The following SOWAHC variants were observed in gnomAD, a reference collection of about 807,000 sequenced individuals.
The protein encoded by SOWAHC is ankyrin repeat domain-containing protein SOWAHC.
SOWAHC carries 12 observed loss-of-function variants against 14.4 expected under a neutral mutation model. The observed-to-expected ratio is 0.83, with a 90% CI of 0.53 to 1.35. The LOEUF (loss-of-function observed/expected upper bound fraction) is 1.35. Among genes scored for constraint, SOWAHC ranks in the 40% most tolerant of loss-of-function variants. The pLI is 0.00. For synonymous variants in SOWAHC, 398 were observed against 347.0 expected, an observed-to-expected ratio of 1.15 and a Z score of -1.63; for missense variants, 771 against 752.8, an observed-to-expected ratio of 1.02 and a Z score of -0.28.
Position 109,614,914 on chromosome 2 carries a change from C to A in SOWAHC, c.425C>A (p.Pro142His), listed in dbSNP as rs1270565374. ...RELGEGEPPA[P>H]AHWPPLSAGA... ...CTGGGCGAGGGAGAGCCCCCCGCCC[C>A]CGCGCACTGGCCGCCCCTGAGCGCC... Residue 142 changes from proline (P) to histidine (H), a missense_variant, in exon 1 of 1, where the codon CCC becomes CAC. Physicochemically the swap from Pro to His is moderately conservative, Grantham distance 77 (BLOSUM62 -2). Transcript: ENST00000356454. The A allele has an allele frequency of 6.8e-7, 1 of 1,468,558 alleles. No homozygotes were observed. Among genetic ancestry groups the A allele is most frequent in the East Asian group, 2.6e-5 (1 of 37,992 alleles). 91.0% of individuals were successfully genotyped at this position (1,468,558 alleles called of 1,614,324 possible).
Position 109,617,589 on chromosome 2 carries a change from A to G in SOWAHC, c.*1522A>G, listed in dbSNP as rs532298563. 4 of 167,150 alleles carry G rather than the reference A, an allele frequency of 2.4e-5. No individual in the cohort carries two copies. The Admixed American group carries it at 2.6e-4, about 11-fold the overall frequency. 10.4% of individuals were successfully genotyped at this position (167,150 alleles called of 1,614,324 possible). On this transcript the variant is annotated 3_prime_UTR_variant, in exon 1 of 1. Coordinates refer to ENST00000356454, the MANE Select transcript of SOWAHC (RefSeq NM_023016.4). ...GCTGAAACCTAAGTACCTGCAGCCT[A>G]CAGGATAAGGAAGTTCACAGCCTGC...
rs1401027438 is a variant in SOWAHC at position 109,614,552 on chromosome 2, C to T, written c.63C>T (p.Phe21=). The T allele has an allele frequency of 2.6e-5, 34 of 1,324,868 alleles. No individual in the cohort carries two copies. The highest frequency in any genetic ancestry group is 3.3e-5 in the Non-Finnish European group (34 of 1,044,448). The allele number at this position is 1,324,868 out of a possible 1,614,324, so 82.1% of individuals were successfully genotyped here. The change falls in exon 1 of 1, where the codon TTC becomes TTT. Residue 21 remains phenylalanine (F), a synonymous_variant. Coordinates refer to ENST00000356454, the MANE Select transcript of SOWAHC (RefSeq NM_023016.4). ...TGGGCCCCGAGGCGGTGCTGCGCTTCCTGGCGGAGCGCGGGGGCCGGGCCC... is the reference window on the plus strand; with the variant it reads ...TGGGCCCCGAGGCGGTGCTGCGCTTTCTGGCGGAGCGCGGGGGCCGGGCCC... ...AALGPEAVLR[F]LAERGGRALH...
rs1422698449 is a variant in SOWAHC at position 109,615,749 on chromosome 2, C to G, written c.1260C>G (p.Pro420=). The change falls in exon 1 of 1, where the codon CCC becomes CCG. Residue 420 remains proline (P), a synonymous_variant. Transcript: ENST00000356454. Reference sequence around the variant, plus strand: ...GCTGGAGGCTTTCAAAGGTGCTTCCCTCGCATCTCATCACCTACAAACTCT... The same window carrying G: ...GCTGGAGGCTTTCAAAGGTGCTTCCGTCGCATCTCATCACCTACAAACTCT... ...GGRWRLSKVL[P]SHLITYKLSH... is the part of the protein sequence containing the mutation. 1.9e-6 allele frequency: 3 copies of G among 1,613,988 alleles called. No homozygotes were observed. Among genetic ancestry groups the G allele is most frequent in the Non-Finnish European group, 2.5e-6 (3 of 1,180,044 alleles).
At position 109,614,712 on chromosome 2, in the gene SOWAHC, A is replaced by G; in HGVS notation, c.223A>G (p.Lys75Glu). ...GCGCGTCGATCCCGCCGACGGCGCC[A>G]AGTACGTGCACCTCAAGAAGAGGTT... is the stretch of plus-strand genomic sequence containing the variant. ...TVRVDPADGA[K>E]YVHLKKRFCE... The change falls in exon 1 of 1, where the codon AAG (lysine) becomes GAG (glutamate). Residue 75 changes from lysine (K) to glutamate (E), a missense_variant. Physicochemically the swap from Lys to Glu is moderately conservative, Grantham distance 56 (BLOSUM62 1). Transcript: ENST00000356454. 1 of 1,488,596 alleles carries G rather than the reference A, an allele frequency of 6.7e-7. No homozygotes were observed. The highest frequency in any genetic ancestry group is 1.3e-5 in the South Asian group (1 of 79,682). 92.2% of individuals were successfully genotyped at this position (1,488,596 alleles called of 1,614,324 possible). A position where few individuals can be genotyped will look rare whatever the true frequency, so the allele number is the denominator to read the frequency against.
rs1365852373 is a variant in SOWAHC, at chr2:109,615,283, A to AC, written c.799dup (p.Leu267ProfsTer135). On this transcript the variant is annotated frameshift_variant, in exon 1 of 1. Transcript: ENST00000356454. LOFTEE classifies it low-confidence loss of function (END_TRUNC). ...AGCGGCGGAGGCTCCGTGACGCTGGACCCCCTGGAGCACGCGTGGATGCTC... is the reference window on the plus strand; with the variant it reads ...AGCGGCGGAGGCTCCGTGACGCTGGACCCCCCTGGAGCACGCGTGGATGCTC... 2 of 1,590,608 alleles carry AC rather than the reference A, an allele frequency of 1.3e-6. No individual in the cohort carries two copies. Among genetic ancestry groups the AC allele is most frequent in the East Asian group, 2.3e-5 (1 of 43,494 alleles).
Position 109,616,353 on chromosome 2 carries a change from GAATGAATT to G in SOWAHC, c.*294_*301del, listed in dbSNP as rs1223197056. ...TGTATCTAAATTGGGGGAACAGAAT[GAATGAATT>G]AATGAATGAGAGTTCCTTTGCTTTA... is the stretch of plus-strand genomic sequence containing the variant. On this transcript the variant is annotated 3_prime_UTR_variant, in exon 1 of 1. Coordinates refer to ENST00000356454, the MANE Select transcript of SOWAHC (RefSeq NM_023016.4). The G allele has an allele frequency of 7.7e-6, 2 of 260,356 alleles. No individual in the cohort carries two copies. Among genetic ancestry groups the G allele is most frequent in the Non-Finnish European group, 1.5e-5 (2 of 131,708 alleles). The allele number at this position is 260,356 out of a possible 1,614,324, so 16.1% of individuals were successfully genotyped here. A position where few individuals can be genotyped will look rare whatever the true frequency, so the allele number is the denominator to read the frequency against.
chr2:109,614,878 A>G lies in SOWAHC; in HGVS notation c.389A>G (p.Gln130Arg). ...GCGGCCCCGGAGTCGCTCCCTGGAC[A>G]GGGCCGCGAGCTGGGCGAGGGAGAG... Reference protein sequence around the residue: ...DAAAPESLPGQGRELGEGEPP... With the variant: ...DAAAPESLPGRGRELGEGEPP... The change falls in exon 1 of 1, where the codon CAG (glutamine) becomes CGG (arginine). Residue 130 changes from glutamine (Q) to arginine (R), a missense_variant. By Grantham distance (43) the Gln-to-Arg change is conservative. Transcript: ENST00000356454. The G allele has an allele frequency of 7.0e-7, 1 of 1,423,132 alleles. No homozygotes were observed. Among genetic ancestry groups the G allele is most frequent in the Non-Finnish European group, 9.1e-7 (1 of 1,100,380 alleles). The allele number at this position is 1,423,132 out of a possible 1,614,324, so 88.2% of individuals were successfully genotyped here.
At position 109,616,130 on chromosome 2, in the gene SOWAHC, G is replaced by A. The variant is rs1205212639; in HGVS notation, c.*63G>A. ...CTTAATAAATTGAATACTAGGTGTT[G>A]TAAGGAAGTGAGACCAGAAGGACAA... On this transcript the variant is annotated 3_prime_UTR_variant, in exon 1 of 1. Transcript: ENST00000356454. 7.0e-7 allele frequency: 1 copy of A among 1,424,500 alleles called. No individual in the cohort carries two copies. The highest frequency in any genetic ancestry group is 1.4e-5 in the African/African-American group (1 of 69,322). The allele number at this position is 1,424,500 out of a possible 1,614,324, so 88.2% of individuals were successfully genotyped here.
chr2:109,614,469 G>T lies in SOWAHC; in HGVS notation c.-21G>T. 2 of 1,218,408 alleles carry T rather than the reference G, an allele frequency of 1.6e-6. No individual in the cohort carries two copies. Among genetic ancestry groups the T allele is most frequent in the South Asian group, 3.9e-5 (1 of 25,868 alleles). 75.5% of individuals were successfully genotyped at this position (1,218,408 alleles called of 1,614,324 possible). On this transcript the variant is annotated 5_prime_UTR_variant, in exon 1 of 1. Coordinates refer to ENST00000356454, the MANE Select transcript of SOWAHC (RefSeq NM_023016.4). ...GGACCGCGCTGAGCCGCCCGCTGGC[G>T]GGGGAGCAGCGCGGTCGAGGATGGA...
In SOWAHC at chr2:109,615,520, C is replaced by T; in HGVS notation, c.1031C>T (p.Ala344Val). 1.9e-6 allele frequency: 3 copies of T among 1,613,918 alleles called. No homozygotes were observed. Among genetic ancestry groups the T allele is most frequent in the African/African-American group, 2.7e-5 (2 of 75,060 alleles). The change falls in exon 1 of 1, where the codon GCC becomes GTC. Residue 344 changes from alanine to valine, a missense_variant. Physicochemically the swap from Ala to Val is moderately conservative, Grantham distance 64. Coordinates refer to ENST00000356454, the MANE Select transcript of SOWAHC (RefSeq NM_023016.4). ...GCCAGGACGAGCGGGGGTTACACCG[C>T]CCTGCACTTGGCAGCCATGCACGGC... ...IDARTSGGYT[A>V]LHLAAMHGHV...
At position 109,615,446 on chromosome 2, in the gene SOWAHC, C is replaced by A. The variant is rs200256817; in HGVS notation, c.957C>A (p.Ala319=). The A allele has an allele frequency of 1.2e-4, 190 of 1,613,154 alleles. No homozygotes were observed. In the African/African-American group the frequency reaches 2.1e-3, roughly 18 times the overall value. ...AAKHGRQELL[A]MLVNFANKHQ... is the part of the protein sequence containing the mutation. ...AGCACGGCAGGCAGGAGCTTCTGGC[C>A]ATGCTAGTCAACTTCGCCAACAAAC... is the stretch of plus-strand genomic sequence containing the variant. The change falls in exon 1 of 1, where the codon GCC becomes GCA. Residue 319 remains alanine, a synonymous_variant. Coordinates refer to ENST00000356454, the MANE Select transcript of SOWAHC (RefSeq NM_023016.4).
rs1407041830 is a variant in SOWAHC at position 109,616,865 on chromosome 2, ATGT to A, written c.*801_*803del. The A allele has an allele frequency of 6.0e-6, 1 of 167,074 alleles. No homozygotes were observed. Among genetic ancestry groups the A allele is most frequent in the Non-Finnish European group, 1.5e-5 (1 of 68,112 alleles). The allele number at this position is 167,074 out of a possible 1,614,324, so 10.3% of individuals were successfully genotyped here. On this transcript the variant is annotated 3_prime_UTR_variant, in exon 1 of 1. Transcript: ENST00000356454. ...GCAGCCTATGATAGTTTTCAATAAA[ATGT>A]TGCCTCTCTTTCGGATTCTCACTAA...
At position 109,617,339 on chromosome 2, in the gene SOWAHC, ATTCC is replaced by A. The variant is rs1700163086; in HGVS notation, c.*1275_*1278del. 1 of 167,084 alleles carries A rather than the reference ATTCC, an allele frequency of 6.0e-6. No individual in the cohort carries two copies. Among genetic ancestry groups the A allele is most frequent in the Non-Finnish European group, 1.5e-5 (1 of 68,110 alleles). 10.4% of individuals were successfully genotyped at this position (167,084 alleles called of 1,614,324 possible). ...TTTCTATATTTAAATGCTGCTGGCT[ATTCC>A]TTTGTATATAAATGAAAAATACCAT... On this transcript the variant is annotated 3_prime_UTR_variant, in exon 1 of 1. Coordinates refer to ENST00000356454, the MANE Select transcript of SOWAHC (RefSeq NM_023016.4).
At position 109,617,276 on chromosome 2, in the gene SOWAHC, G is replaced by A. The variant is rs1700162333; in HGVS notation, c.*1209G>A. On this transcript the variant is annotated 3_prime_UTR_variant, in exon 1 of 1. Coordinates refer to ENST00000356454, the MANE Select transcript of SOWAHC (RefSeq NM_023016.4). Reference sequence around the variant, plus strand: ...GGTAGTAAATCTACCCAATTAAAATGGCACTTTATAAAAGGGAATAGAGAA... The same window carrying A: ...GGTAGTAAATCTACCCAATTAAAATAGCACTTTATAAAAGGGAATAGAGAA... 1 of 166,918 alleles carries A rather than the reference G, an allele frequency of 6.0e-6. No homozygotes were observed. Among genetic ancestry groups the A allele is most frequent in the Admixed American group, 6.5e-5 (1 of 15,274 alleles). 10.3% of individuals were successfully genotyped at this position (166,918 alleles called of 1,614,324 possible).
rs1457399247 is a variant in SOWAHC, at chr2:109,617,876, G to T, written c.*1809G>T. 1 of 159,754 alleles carries T rather than the reference G, an allele frequency of 6.3e-6. No homozygotes were observed. The highest frequency in any genetic ancestry group is 1.5e-5 in the Non-Finnish European group (1 of 68,044). The allele number at this position is 159,754 out of a possible 1,614,324, so 9.9% of individuals were successfully genotyped here. On this transcript the variant is annotated 3_prime_UTR_variant, in exon 1 of 1. Coordinates refer to ENST00000356454, the MANE Select transcript of SOWAHC (RefSeq NM_023016.4). ...TCTACTAAAAATACAAAAATTAGCC[G>T]AGCGTGGTGGTGCGTGCCTGTAGTC...
chr2:109,617,252 G>A lies in SOWAHC; in HGVS notation c.*1185G>A, dbSNP rs1211945454. On this transcript the variant is annotated 3_prime_UTR_variant, in exon 1 of 1. Transcript: ENST00000356454. ...TATCCTGTAGTTACTGAAAATCTGGGTAGTAAATCTACCCAATTAAAATGG... is the reference window on the plus strand; with the variant it reads ...TATCCTGTAGTTACTGAAAATCTGGATAGTAAATCTACCCAATTAAAATGG... 6.0e-6 allele frequency: 1 copy of A among 166,852 alleles called. No individual in the cohort carries two copies. The highest frequency in any genetic ancestry group is 1.5e-5 in the Non-Finnish European group (1 of 68,094). 10.3% of individuals were successfully genotyped at this position (166,852 alleles called of 1,614,324 possible).
At position 109,614,481 on chromosome 2, in the gene SOWAHC, C is replaced by A; in HGVS notation, c.-9C>A. The A allele has an allele frequency of 8.2e-7, 1 of 1,225,352 alleles. No homozygotes were observed. Among genetic ancestry groups the A allele is most frequent in the Non-Finnish European group, 1.0e-6 (1 of 984,968 alleles). 75.9% of individuals were successfully genotyped at this position (1,225,352 alleles called of 1,614,324 possible). On this transcript the variant is annotated 5_prime_UTR_variant, in exon 1 of 1. Transcript: ENST00000356454. ...GCCGCCCGCTGGCGGGGGAGCAGCG[C>A]GGTCGAGGATGGAGGGGCCGGCAGA...
rs1362215234 is a variant in SOWAHC at position 109,616,548 on chromosome 2, G to A, written c.*481G>A. The stretch of plus-strand genomic sequence containing the variant: ...ACAGGCTGCCCCGTTTTTACTAATT[G>A]CATTTGCATTTTAAGGTACTACTGA... On this transcript the variant is annotated 3_prime_UTR_variant, in exon 1 of 1. Transcript: ENST00000356454. The A allele has an allele frequency of 1.2e-5, 2 of 167,098 alleles. No individual in the cohort carries two copies. The highest frequency in any genetic ancestry group is 4.8e-5 in the African/African-American group (2 of 41,454). 10.4% of individuals were successfully genotyped at this position (167,098 alleles called of 1,614,324 possible). A position where few individuals can be genotyped will look rare whatever the true frequency, so the allele number is the denominator to read the frequency against.
rs1573942474 is a variant in SOWAHC, at chr2:109,615,104, C to T, written c.615C>T (p.Leu205=). 1 of 1,549,810 alleles carries T rather than the reference C, an allele frequency of 6.5e-7. No individual in the cohort carries two copies. Among genetic ancestry groups the T allele is most frequent in the Non-Finnish European group, 8.7e-7 (1 of 1,146,798 alleles). ...ATAQRPARQN[L]RDLVMGSSPQ... ...CACAGAGGCCGGCCCGCCAGAACCT[C>T]CGTGACCTGGTGATGGGCAGCTCCC... is the stretch of plus-strand genomic sequence containing the variant. Residue 205 remains leucine, a synonymous_variant, in exon 1 of 1, where the codon CTC becomes CTT. Transcript: ENST00000356454.
Sources: gnomAD v4.1 joint callset for allele counts on GRCh38, gnomAD v4.1.1 for gene constraint, MANE v1.5 for transcripts, NCBI Gene and HGNC (gene_info 2026-07-23, HGNC 2026-07-21) for gene names.